Variants in NDST4 observed in about 807,000 individuals in gnomAD.
NDST4 encodes the protein N-deacetylase and N-sulfotransferase 4.
A neutral mutation model predicts 100.8 loss-of-function variants in NDST4; 63 were observed. The observed-to-expected ratio is 0.62, with a 90% CI of 0.51 to 0.77. The LOEUF is 0.77. Among genes scored for constraint, NDST4 ranks in the 30% least tolerant of loss-of-function variants. NDST4 has a pLI of 0.00. For missense variants in NDST4, 943 were observed against 1,018.4 expected, an observed-to-expected ratio of 0.93 and a Z score of 1.01; for synonymous variants, 377 against 361.8, an observed-to-expected ratio of 1.04 and a Z score of -0.48.
At chr4:114,902,700 C>A (rs57965774) in intron 6 of NDST4, among the ~76,000 whole-genome samples, 11,258 of 151,890 alleles carry the variant, frequency 0.074, 522 homozygotes, top group East Asian at 0.15. Context: ...TTTTCATTAA[C>A]CATGATTACA....
Position 114,865,928 on chromosome 4 carries a change from G to A in NDST4, c.1719+4840C>T, listed in dbSNP as rs532105466. On this transcript the variant is annotated intron_variant, in intron 7 of 13. Coordinates refer to ENST00000264363, the MANE Select transcript of NDST4 (RefSeq NM_022569.3). ...TTGGTGGAGGAGATATTCCTGAAAG[G>A]TATATAACATACTATCGCTAAGTTA... 7.7e-4 allele frequency among the ~76,000 whole-genome samples: 117 copies of A among 152,114 alleles called. 2 individuals are homozygous for A. In the Middle Eastern group the frequency reaches 0.02, roughly 27 times the overall value.
intron 3 of NDST4, among the ~76,000 whole-genome samples, chr4:114,976,936 T>C (rs1726647476): frequency 1.3e-5 from 2 of 150,402 alleles, no homozygotes; most frequent in South Asian, 4.1e-4. Context: ...TCATACTCAG[T>C]ACAGTGGTTA....
intron 4 of NDST4, among the ~76,000 whole-genome samples, chr4:114,953,052 A>G (rs1164438817): frequency 2.0e-5 from 3 of 147,688 alleles, no homozygotes; most frequent in Admixed American, 1.4e-4. Context: ...TTTTGTGGGA[A>G]GGCCTTGTCC....
chr4:114,899,526 T>G, intron 6 of NDST4, among the ~76,000 whole-genome samples: 1 of 151,274 alleles, frequency 6.6e-6, no homozygotes, highest in African/African-American at 2.4e-5. Context: ...CCTAGTTTAC[T>G]GAAAGTTTTT....
At chr4:114,852,518 A>G (rs1228572494) in intron 8 of NDST4, among the ~76,000 whole-genome samples, 1 of 152,158 alleles carries the variant, frequency 6.6e-6, no homozygotes, top group Non-Finnish European at 1.5e-5. Context: ...TTTAGTGTTT[A>G]AGGCTACTTA....
At chr4:114,837,358 C>A (rs922161593) in intron 11 of NDST4, among the ~76,000 whole-genome samples, 1 of 151,820 alleles carries the variant, frequency 6.6e-6, no homozygotes, top group South Asian at 2.1e-4. Context: ...AAAAAGAGCC[C>A]GTATAGCCAA....
chr4:114,934,130 ATATG>A (rs1477618035), intron 6 of NDST4, among the ~76,000 whole-genome samples: 1 of 152,178 alleles, frequency 6.6e-6, no homozygotes, highest in Non-Finnish European at 1.5e-5. Context: ...AAAATGTGGC[ATATG>A]TATGTATCTA....
chr4:115,069,066 T>C (rs1014850320), intron 2 of NDST4, among the ~76,000 whole-genome samples: 1 of 152,106 alleles, frequency 6.6e-6, no homozygotes, highest in African/African-American at 2.4e-5. Context: ...ATGCAGGGAC[T>C]CAAGTTAAAA....
chr4:115,068,213 T>A (rs188042127), intron 2 of NDST4, among the ~76,000 whole-genome samples: 1 of 152,090 alleles, frequency 6.6e-6, no homozygotes, highest in African/African-American at 2.4e-5. Flanking sequence ...TTTCACTTTA[T>A]AGTTTTGAGC....
At chr4:115,029,182 A>G (rs1325962149) in intron 2 of NDST4, among the ~76,000 whole-genome samples, 1 of 152,062 alleles carries the variant, frequency 6.6e-6, no homozygotes, top group Admixed American at 6.6e-5. Context: ...AGGAGAAGAA[A>G]AGAACAGCTG....
chr4:114,987,352 C>CA, intron 2 of NDST4, among the ~76,000 whole-genome samples: 1 of 152,250 alleles, frequency 6.6e-6, no homozygotes, highest in Non-Finnish European at 1.5e-5. Flanking sequence ...AATCCCTCTG[C>CA]AAAATCCTGG....
chr4:114,846,660 AT>A (rs1398299120), intron 9 of NDST4, among the ~76,000 whole-genome samples: 1 of 152,174 alleles, frequency 6.6e-6, no homozygotes, highest in Non-Finnish European at 1.5e-5. Context: ...TGGAATCAAT[AT>A]GTTCTGAGGT....
intron 1 of NDST4, among the ~76,000 whole-genome samples, chr4:115,090,064 A>G (rs986740368): frequency 1.1e-4 from 17 of 151,984 alleles, no homozygotes; most frequent in Admixed American, 1.0e-3. Context: ...TAAAAGTCTC[A>G]GCTGATTATT....
At chr4:114,996,053 TA>T (rs998932900) in intron 2 of NDST4, among the ~76,000 whole-genome samples, 4 of 152,134 alleles carry the variant, frequency 2.6e-5, no homozygotes, top group Non-Finnish European at 2.9e-5. Flanking sequence ...TAAGAGATCA[TA>T]ATCCAGGTTC....
At chr4:115,085,186 G>A (rs1729386169) in intron 1 of NDST4, among the ~76,000 whole-genome samples, 1 of 152,170 alleles carries the variant, frequency 6.6e-6, no homozygotes, top group East Asian at 1.9e-4. Context: ...ATTTCGTGGG[G>A]CCTGTAGCCT....
chr4:115,033,159 T>TATA lies in NDST4; in HGVS notation c.978+42899_978+42900insTAT, dbSNP rs1728158585. ...TATATATATATATATATATATATAT[T>TATA]TTTTTTTTTTTTGAAACAGGGTCTC... On this transcript the variant is annotated intron_variant, in intron 2 of 13. Transcript: ENST00000264363. Among the ~76,000 whole-genome samples the TATA allele has an allele frequency of 6.7e-5, 8 of 119,276 alleles. No individual in the cohort carries two copies. The South Asian group carries it at 1.4e-3, about 21-fold the overall frequency. The allele number at this position is 119,276 out of a possible 152,430, so 78.2% of individuals were successfully genotyped here.
At chr4:114,935,090 C>T (rs1245294237) in intron 6 of NDST4, 116 bp downstream of exon 6, 1 of 794,134 alleles carries the variant, frequency 1.3e-6, no homozygotes, top group East Asian at 3.5e-5. Flanking sequence ...AAATGCATGA[C>T]CAGTAAGATG....
intron 6 of NDST4, among the ~76,000 whole-genome samples, chr4:114,920,822 T>C (rs1366670594): frequency 1.3e-5 from 2 of 152,132 alleles, no homozygotes; most frequent in African/African-American, 4.8e-5. Flanking sequence ...ACTGCAGACA[T>C]GAAGAGTATC....
At chr4:114,947,507 G>A (rs1278681456) in intron 4 of NDST4, among the ~76,000 whole-genome samples, 2 of 152,048 alleles carry the variant, frequency 1.3e-5, no homozygotes, top group East Asian at 1.9e-4. Context: ...AGAAGCAAGA[G>A]AAAAGTTACA....
Sources: gnomAD v4.1 joint callset for allele counts (sites outside exome capture counted in the v4.1 genomes callset) on GRCh38, gnomAD v4.1.1 for gene constraint, MANE v1.5 for transcripts, NCBI Gene and HGNC (gene_info 2026-07-23, HGNC 2026-07-21) for gene names.